ESCO2: variants seen among roughly 807,000 people sequenced by gnomAD.
The protein encoded by ESCO2 is establishment of sister chromatid cohesion N-acetyltransferase 2.
A neutral mutation model predicts 61.7 loss-of-function variants in ESCO2; 51 were observed. That is an observed-to-expected ratio of 0.83 (90% CI 0.66 to 1.04). The LOEUF is 1.04. Among genes scored for constraint, ESCO2 ranks in the 50% least tolerant of loss-of-function variants. The probability of loss-of-function intolerance (pLI) is 0.00; values close to 1 mark genes in which losing one functional copy is unlikely to be tolerated. For missense variants in ESCO2, 692 were observed against 686.2 expected, an observed-to-expected ratio of 1.01 and a Z score of -0.09; for synonymous variants, 230 against 238.2, an observed-to-expected ratio of 0.97 and a Z score of 0.32.
downstream of ESCO2, among the ~76,000 whole-genome samples, chr8:27,805,906 A>G (rs1805554045): frequency 6.6e-6 from 1 of 152,080 alleles, no homozygotes; most frequent in Admixed American, 6.5e-5. Flanking sequence ...GTGCTGGATT[A>G]TAGGTGTGAG....
intron 9 of ESCO2, among the ~76,000 whole-genome samples, chr8:27,796,765 G>A (rs1585407198): frequency 6.6e-6 from 1 of 151,910 alleles, no homozygotes; most frequent in East Asian, 1.9e-4. Flanking sequence ...CATTCATTCC[G>A]CTGCTATTGG....
At chr8:27,794,566 C>T (rs1358499734) in intron 9 of ESCO2, among the ~76,000 whole-genome samples, 1 of 152,118 alleles carries the variant, frequency 6.6e-6, no homozygotes, top group Non-Finnish European at 1.5e-5. Flanking sequence ...CCACTCTGTA[C>T]TATGCAGAAA....
At chr8:27,785,221 A>G (rs1485318338) in intron 5 of ESCO2, among the ~76,000 whole-genome samples, 1 of 152,264 alleles carries the variant, frequency 6.6e-6, no homozygotes, top group African/African-American at 2.4e-5. Flanking sequence ...ACATCCTTCA[A>G]TAATCAACAT....
In ESCO2 at chr8:27,792,733, A is replaced by G; in HGVS notation, c.1419A>G (p.Pro473=). Residue 473 remains proline (P), a synonymous_variant, in exon 9 of 11, where the codon CCA becomes CCG. Coordinates refer to ENST00000305188, the MANE Select transcript of ESCO2 (RefSeq NM_001017420.3). Reference sequence around the variant, plus strand: ...TCCAGCAAGTTGTTCCTAAATGTCCAAACAAAATAAAAACTTTTCTTTTTA... The same window carrying G: ...TCCAGCAAGTTGTTCCTAAATGTCCGAACAAAATAAAAACTTTTCTTTTTA... ...LGFQQVVPKC[P]NKIKTFLFIS... 1 of 1,611,318 alleles carries G rather than the reference A, an allele frequency of 6.2e-7. No individual in the cohort carries two copies. The highest frequency in any genetic ancestry group is 8.5e-7 in the Non-Finnish European group (1 of 1,179,200).
downstream of ESCO2, chr8:27,811,043 G>GTC: frequency 6.2e-7 from 1 of 1,610,600 alleles, no homozygotes; most frequent in Non-Finnish European, 8.5e-7. Context: ...AGGCAAATAT[G>GTC]TCTGCCTTGT....
chr8:27,817,036 A>C (rs1805831091), downstream of ESCO2, among the ~76,000 whole-genome samples: 1 of 152,164 alleles, frequency 6.6e-6, no homozygotes, highest in Admixed American at 6.5e-5. Flanking sequence ...AAATCTCACA[A>C]ATAGAAAGCC....
At chr8:27,801,969 A>ATTTTTTTTTTTT (rs34539100) in intron 10 of ESCO2, among the ~76,000 whole-genome samples, 2 of 83,780 alleles carry the variant, frequency 2.4e-5, no homozygotes, top group Non-Finnish European at 2.1e-5. Context: ...CCTTCATGGC[A>ATTTTTTTTTTTT]TTTTTTTTTT....
In ESCO2 at chr8:27,794,160, T is replaced by C. The variant is rs189649945; in HGVS notation, c.1497+1349T>C. 1.2e-3 allele frequency among the ~76,000 whole-genome samples: 177 copies of C among 152,362 alleles called. 4 individuals carry two copies. Among genetic ancestry groups the C allele is most frequent in the Non-Finnish European group, 4.9e-4 (33 of 68,036 alleles). Reference sequence around the variant, plus strand: ...TCCATTGATGGACACTTAACGTTGATTACATATCTTGGCTATGAATAATGC... The same window carrying C: ...TCCATTGATGGACACTTAACGTTGACTACATATCTTGGCTATGAATAATGC... On this transcript the variant is annotated intron_variant, in intron 9 of 10. Transcript: ENST00000305188.
In ESCO2 at chr8:27,804,014, C is replaced by T. The variant is rs1002339045; in HGVS notation, c.*576C>T. On this transcript the variant is annotated 3_prime_UTR_variant, in exon 11 of 11. Transcript: ENST00000305188. ...AAACGCTGGGATTACAGTCATGAGC[C>T]ACCGTGCCCAGCCTAATTCCTGACT... 1.0e-6 allele frequency: 1 copy of T among 986,726 alleles called. No homozygotes were observed. Among genetic ancestry groups the T allele is most frequent in the African/African-American group, 1.7e-5 (1 of 57,296 alleles). 61.1% of individuals were successfully genotyped at this position (986,726 alleles called of 1,614,324 possible). A position where few individuals can be genotyped will look rare whatever the true frequency, so the allele number is the denominator to read the frequency against.
upstream of ESCO2, chr8:27,772,148 G>A (rs956325359): frequency 3.5e-5 from 13 of 366,524 alleles, no homozygotes; most frequent in African/African-American, 8.3e-5. Flanking sequence ...GGTTCAGCCA[G>A]AACAAAGGCC....
intron 10 of ESCO2, among the ~76,000 whole-genome samples, chr8:27,800,822 A>AAGG (rs1361115595): frequency 6.6e-6 from 1 of 152,224 alleles, no homozygotes; most frequent in Non-Finnish European, 1.5e-5. Flanking sequence ...CATTATGCTA[A>AAGG]TTGAAATAAA....
At chr8:27,808,226 T>G, downstream of ESCO2, 1 of 1,247,340 alleles carries the variant, frequency 8.0e-7, no homozygotes, top group Non-Finnish European at 1.0e-6. Context: ...CCAGGAGACA[T>G]GAAAGAATCA....
At chr8:27,813,018 C>A (rs1042237204), downstream of ESCO2, among the ~76,000 whole-genome samples, 16 of 152,200 alleles carry the variant, frequency 1.1e-4, no homozygotes, top group African/African-American at 3.9e-4. Context: ...GACACATGTA[C>A]ACGTTTATGT....
At chr8:27,817,187 T>C (rs779261545), downstream of ESCO2, among the ~76,000 whole-genome samples, 1 of 152,096 alleles carries the variant, frequency 6.6e-6, no homozygotes, top group Admixed American at 6.6e-5. Flanking sequence ...AATATATATA[T>C]ATTTTTAGTG....
At position 27,803,786 on chromosome 8, in the gene ESCO2, G is replaced by GT. The variant is rs1309975523; in HGVS notation, c.*348_*349insT. ...TGATTTTTCTCTAGAAATGTGACCT[G>GT]GTCTTTTATAAAGCCCACTCTTAGA... On this transcript the variant is annotated 3_prime_UTR_variant, in exon 11 of 11. Coordinates refer to ENST00000305188, the MANE Select transcript of ESCO2 (RefSeq NM_001017420.3). The GT allele has an allele frequency of 4.8e-6, 5 of 1,034,612 alleles. No individual in the cohort carries two copies. The highest frequency in any genetic ancestry group is 5.8e-6 in the Non-Finnish European group (5 of 862,238). The allele number at this position is 1,034,612 out of a possible 1,614,324, so 64.1% of individuals were successfully genotyped here.
At chr8:27,810,886 G>C, downstream of ESCO2, 1 of 1,013,082 alleles carries the variant, frequency 9.9e-7, no homozygotes, top group Non-Finnish European at 1.5e-6. Context: ...ACATATCTTA[G>C]AAAGATAAAA....
chr8:27,788,333 G>T (rs1805094678), intron 6 of ESCO2, among the ~76,000 whole-genome samples: 1 of 151,970 alleles, frequency 6.6e-6, no homozygotes, highest in East Asian at 1.9e-4. Context: ...GCTTTTTCAG[G>T]TCTTTAAGGG....
At chr8:27,790,389 T>A (rs145397520) in intron 7 of ESCO2, among the ~76,000 whole-genome samples, 155 of 152,296 alleles carry the variant, frequency 1.0e-3, no homozygotes, top group Admixed American at 3.5e-3. Flanking sequence ...CAAAAGTATA[T>A]CCAGTGAAAA....
At chr8:27,779,356 T>TC (rs1387294522) in intron 3 of ESCO2, 1 of 152,224 alleles carries the variant, frequency 6.6e-6, no homozygotes, top group African/African-American at 2.4e-5. Flanking sequence ...TTTTCCTTTT[T>TC]CCCCAAGCTA....
Sources: gnomAD v4.1 joint callset for allele counts (sites outside exome capture counted in the v4.1 genomes callset) on GRCh38, gnomAD v4.1.1 for gene constraint, MANE v1.5 for transcripts, NCBI Gene and HGNC (gene_info 2026-07-23, HGNC 2026-07-21) for gene names.